The following TIAM1 variants were observed in gnomAD, a reference collection of about 807,000 sequenced individuals.
TIAM1 encodes the protein TIAM Rac1 associated GEF 1, also known as rho guanine nucleotide exchange factor TIAM1.
TIAM1 carries 65 observed loss-of-function variants against 163.5 expected under a neutral mutation model. The ratio of observed to expected loss-of-function variants is 0.40; its 90% confidence interval spans 0.33 to 0.49. The LOEUF (loss-of-function observed/expected upper bound fraction) is 0.49, where lower values mean the gene tolerates loss of function less well. Ranked by LOEUF, TIAM1 falls within the 20% of genes least tolerant of loss-of-function variation. The pLI, the probability that TIAM1 is intolerant of heterozygous loss-of-function variation, is 0.77. For missense variants in TIAM1, 1,789 were observed against 2,044.7 expected (o/e 0.87, Z 2.41); for synonymous variants, 833 against 810.1 (o/e 1.03, Z -0.48).
chr21:31,305,519 C>A (rs1020417186), intron 2 of TIAM1, among the ~76,000 whole-genome samples: 3 of 152,180 alleles, frequency 2.0e-5, no homozygotes, highest in African/African-American at 7.2e-5. Context: ...CTGATAGCTG[C>A]CCCTCACGGG....
At chr21:31,232,930 G>A (rs1373135993) in intron 6 of TIAM1, among the ~76,000 whole-genome samples, 2 of 151,842 alleles carry the variant, frequency 1.3e-5, no homozygotes, top group Non-Finnish European at 2.9e-5. Flanking sequence ...GTTCGGTGAA[G>A]GGAATAAGCA....
chr21:31,310,870 T>C (rs2074898783), intron 2 of TIAM1, among the ~76,000 whole-genome samples: 1 of 152,234 alleles, frequency 6.6e-6, no homozygotes, highest in Admixed American at 6.5e-5. Flanking sequence ...TAAGGCAGGA[T>C]GTCAAAATGT....
intron 2 of TIAM1, among the ~76,000 whole-genome samples, chr21:31,287,708 G>C (rs767251073): frequency 6.6e-5 from 10 of 152,208 alleles, no homozygotes; most frequent in Non-Finnish European, 1.3e-4. Context: ...GCAGTGAGGC[G>C]AGTGCATGGG....
chr21:31,241,872 T>C (rs550835305), intron 6 of TIAM1, among the ~76,000 whole-genome samples: 1 of 152,192 alleles, frequency 6.6e-6, no homozygotes, highest in East Asian at 1.9e-4. Context: ...CAGCCAGGTG[T>C]GGTGGTGTAC....
At chr21:31,444,451 G>C (rs982626989) in intron 2 of TIAM1, among the ~76,000 whole-genome samples, 1 of 151,328 alleles carries the variant, frequency 6.6e-6, no homozygotes, top group Admixed American at 6.6e-5. Flanking sequence ...AGCATAAGGG[G>C]TTGGATCTGA....
chr21:31,491,647 G>A (rs1207509432), intron 1 of TIAM1, among the ~76,000 whole-genome samples: 1 of 152,208 alleles, frequency 6.6e-6, no homozygotes, highest in Non-Finnish European at 1.5e-5. Context: ...TTGATGCTTT[G>A]TGGCCATCTG....
chr21:31,517,063 A>G (rs1277136619), intron 1 of TIAM1, among the ~76,000 whole-genome samples: 1 of 150,292 alleles, frequency 6.7e-6, no homozygotes, highest in Non-Finnish European at 1.5e-5. Flanking sequence ...AAAAAAAAAA[A>G]AAAGAAAAGA....
chr21:31,152,946 T>C, intron 18 of TIAM1, 120 bp downstream of exon 18: 1 of 1,286,980 alleles, frequency 7.8e-7, no homozygotes. Context: ...TAATTTCAGC[T>C]AGTTACAATT....
intron 2 of TIAM1, among the ~76,000 whole-genome samples, chr21:31,307,206 C>T (rs986474429): frequency 2.6e-5 from 4 of 152,148 alleles, no homozygotes; most frequent in Non-Finnish European, 5.9e-5. Flanking sequence ...ATAAAATTTG[C>T]TAATTTTGTA....
intron 2 of TIAM1, among the ~76,000 whole-genome samples, chr21:31,317,014 A>G (rs1317903054): frequency 2.0e-5 from 3 of 152,082 alleles, no homozygotes; most frequent in African/African-American, 7.2e-5. Context: ...ATATTTACCG[A>G]TAATAAAGCT....
intron 2 of TIAM1, among the ~76,000 whole-genome samples, chr21:31,352,112 G>A (rs111367248): frequency 9.3e-5 from 14 of 151,144 alleles, no homozygotes; most frequent in South Asian, 4.2e-4. Flanking sequence ...ACAAAATACC[G>A]TCATTTTCAC....
In TIAM1 at chr21:31,438,505, T is replaced by C. The variant is rs183126064; in HGVS notation, c.-369+25478A>G. On this transcript the variant is annotated intron_variant, in intron 2 of 28. Transcript: ENST00000286827. ...CTGCACCCAGCATATTTGTGATCTT[T>C]TCCATGAGCTGACAGTCTGTGCTGT... is the stretch of plus-strand genomic sequence containing the variant. 2.0e-3 allele frequency among the ~76,000 whole-genome samples: 306 copies of C among 152,222 alleles called. 2 individuals carry two copies. The highest frequency in any genetic ancestry group is 3.6e-3 in the Non-Finnish European group (247 of 68,008).
chr21:31,350,370 G>A (rs970530937), intron 2 of TIAM1, among the ~76,000 whole-genome samples: 1 of 152,136 alleles, frequency 6.6e-6, no homozygotes, highest in African/African-American at 2.4e-5. Flanking sequence ...AAAACATACT[G>A]GGGCAGGGAG....
At chr21:31,206,687 G>A (rs1210142227) in intron 11 of TIAM1, among the ~76,000 whole-genome samples, 1 of 152,038 alleles carries the variant, frequency 6.6e-6, no homozygotes, top group Non-Finnish European at 1.5e-5. Flanking sequence ...TTTTAAATTC[G>A]CATCTTACTA....
intron 10 of TIAM1, among the ~76,000 whole-genome samples, chr21:31,211,765 G>A (rs1305279783): frequency 6.6e-6 from 1 of 152,166 alleles, no homozygotes; most frequent in Non-Finnish European, 1.5e-5. Flanking sequence ...GTTCCAGTGT[G>A]CCACATTAAA....
chr21:31,526,660 A>T (rs1264090729), intron 1 of TIAM1, among the ~76,000 whole-genome samples: 1 of 152,098 alleles, frequency 6.6e-6, no homozygotes, highest in East Asian at 1.9e-4. Context: ...TACCTTCATC[A>T]TATATCTATG....
At chr21:31,468,725 G>A (rs952665533) in intron 1 of TIAM1, among the ~76,000 whole-genome samples, 3 of 151,236 alleles carry the variant, frequency 2.0e-5, no homozygotes, top group Non-Finnish European at 3.0e-5. Flanking sequence ...GCAGTGAGCC[G>A]AGATGGTGCC....
intron 25 of TIAM1, 58 bp from the exon 26 acceptor site, chr21:31,127,210 G>T: frequency 1.3e-6 from 2 of 1,521,272 alleles, no homozygotes; most frequent in Non-Finnish European, 1.8e-6. Flanking sequence ...TTATTTACAT[G>T]TTTGCAAAAG....
intron 3 of TIAM1, among the ~76,000 whole-genome samples, chr21:31,270,437 C>A (rs182618218): frequency 2.0e-5 from 3 of 152,250 alleles, no homozygotes; most frequent in East Asian, 3.9e-4. Context: ...GTTTTAAATT[C>A]ATTAAACTCT....
Sources: allele counts gnomAD v4.1 joint callset (sites outside exome capture counted in the v4.1 genomes callset), GRCh38; gene constraint gnomAD v4.1.1; transcripts MANE v1.5; gene names NCBI Gene and HGNC (gene_info 2026-07-23, HGNC 2026-07-21).